The following PCDH9 variants were observed in gnomAD, a reference collection of about 807,000 sequenced individuals.
PCDH9 encodes the protein protocadherin 9.
In PCDH9, 24 loss-of-function variants were observed where a neutral mutation model predicts 70.6. That is an observed-to-expected ratio of 0.34 (90% confidence interval 0.25 to 0.48). PCDH9 has a LOEUF of 0.48. Among genes scored for constraint, PCDH9 ranks in the 20% least tolerant of loss-of-function variants. The pLI, the probability that PCDH9 is intolerant of heterozygous loss-of-function variation, is 0.99. For synonymous variants in PCDH9, 562 were observed against 558.5 expected (o/e 1.01, Z -0.09); for missense variants, 1,281 against 1,503.6 (o/e 0.85, Z 2.45).
chr13:66,616,400 G>GT (rs139846605), intron 4 of PCDH9, among the ~76,000 whole-genome samples: 67 of 145,188 alleles, frequency 4.6e-4, no homozygotes, highest in African/African-American at 9.1e-4. Flanking sequence ...CCTATCAGAA[G>GT]TTTTTTTTTT....
intron 3 of PCDH9, among the ~76,000 whole-genome samples, chr13:66,779,681 C>T (rs941655920): frequency 5.9e-5 from 9 of 151,628 alleles, no homozygotes; most frequent in Non-Finnish European, 1.2e-4. Context: ...ATTAGCTGGG[C>T]GTAGTGGCAT....
intron 3 of PCDH9, among the ~76,000 whole-genome samples, chr13:66,831,720 T>C (rs1291962635): frequency 2.6e-5 from 4 of 152,172 alleles, no homozygotes; most frequent in Non-Finnish European, 5.9e-5. Flanking sequence ...ATTGTTGTCA[T>C]GATGAGTTGC....
At chr13:67,178,040 ATC>A (rs2138471632) in intron 2 of PCDH9, among the ~76,000 whole-genome samples, 1 of 152,190 alleles carries the variant, frequency 6.6e-6, no homozygotes, top group South Asian at 2.1e-4. Flanking sequence ...TGAAACATCC[ATC>A]TCACTGTACA....
At chr13:66,366,638 G>A (rs1471968352) in intron 4 of PCDH9, among the ~76,000 whole-genome samples, 1 of 152,000 alleles carries the variant, frequency 6.6e-6, no homozygotes, top group East Asian at 1.9e-4. Context: ...ATCCCTCTAA[G>A]ATAGAGGGAA....
intron 3 of PCDH9, among the ~76,000 whole-genome samples, chr13:66,725,526 C>G (rs997924020): frequency 6.6e-6 from 1 of 152,120 alleles, no homozygotes; most frequent in African/African-American, 2.4e-5. Context: ...TACCTCCCAG[C>G]GACTATTGTT....
intron 3 of PCDH9, among the ~76,000 whole-genome samples, chr13:66,845,118 G>A (rs2081184692): frequency 6.6e-6 from 1 of 152,128 alleles, no homozygotes; most frequent in African/African-American, 2.4e-5. Flanking sequence ...CCTTCAAGCC[G>A]CCCTGGCTTG....
intron 2 of PCDH9, among the ~76,000 whole-genome samples, chr13:67,066,127 G>A (rs771246565): frequency 2.7e-4 from 41 of 152,090 alleles, no homozygotes; most frequent in Non-Finnish European, 5.3e-4. Context: ...AGAGTTCAGG[G>A]TTGTTTCTCA....
At chr13:66,457,781 C>T (rs1958348865) in intron 4 of PCDH9, among the ~76,000 whole-genome samples, 1 of 152,010 alleles carries the variant, frequency 6.6e-6, no homozygotes, top group Admixed American at 6.6e-5. Context: ...GCTGCAAGCA[C>T]ACTAACTTAA....
intron 2 of PCDH9, chr13:66,990,877 CAG>C (rs1447391854): frequency 6.6e-6 from 1 of 151,804 alleles, no homozygotes; most frequent in East Asian, 1.9e-4. Flanking sequence ...TTGTTTATAA[CAG>C]ATAACTTTTT....
intron 2 of PCDH9, among the ~76,000 whole-genome samples, chr13:67,061,080 G>T (rs1412722933): frequency 6.6e-6 from 1 of 152,008 alleles, no homozygotes; most frequent in Non-Finnish European, 1.5e-5. Flanking sequence ...GAAGTTAGAT[G>T]ATGTCAGATG....
chr13:66,573,426 T>A (rs1185490542), intron 4 of PCDH9, among the ~76,000 whole-genome samples: 1 of 152,148 alleles, frequency 6.6e-6, no homozygotes, highest in Non-Finnish European at 1.5e-5. Flanking sequence ...CGTAAATGTA[T>A]TAACCCCTTC....
intron 3 of PCDH9, among the ~76,000 whole-genome samples, chr13:66,872,575 C>G (rs1257604406): frequency 6.6e-6 from 1 of 151,808 alleles, no homozygotes; most frequent in Non-Finnish European, 1.5e-5. Flanking sequence ...TTAATAAAGG[C>G]TTTTTTTACA....
chr13:67,067,776 C>T (rs951747115), intron 2 of PCDH9, among the ~76,000 whole-genome samples: 1 of 126,686 alleles, frequency 7.9e-6, no homozygotes, highest in African/African-American at 3.1e-5. Context: ...TGGGGAATAG[C>T]GATGGGGGGG....
rs1440156934 is a variant in PCDH9 at position 66,724,092 on chromosome 13, C to G, written c.3139-92681G>C. On this transcript the variant is annotated intron_variant, in intron 3 of 4. Coordinates refer to ENST00000377865, the MANE Select transcript of PCDH9 (RefSeq NM_203487.3). ...AATCAATTATCAAGTTGAGTGCGACCAGGAATTTTTCTTTTTTCTCTTTAG... is the reference window on the plus strand; with the variant it reads ...AATCAATTATCAAGTTGAGTGCGACGAGGAATTTTTCTTTTTTCTCTTTAG... Among the ~76,000 whole-genome samples the G allele has an allele frequency of 2.6e-5, 4 of 152,272 alleles. No homozygotes were observed. The East Asian group carries it at 7.7e-4, about 29-fold the overall frequency.
intron 3 of PCDH9, among the ~76,000 whole-genome samples, chr13:66,701,825 T>C (rs2078651706): frequency 6.6e-6 from 1 of 152,196 alleles, no homozygotes; most frequent in Admixed American, 6.5e-5. Flanking sequence ...TAATGCTGGT[T>C]AACTATGTGC....
rs2077687432 is a variant in PCDH9, at chr13:66,639,977, T to C, written c.3139-8566A>G. On this transcript the variant is annotated intron_variant, in intron 3 of 4. Coordinates refer to ENST00000377865, the MANE Select transcript of PCDH9 (RefSeq NM_203487.3). ...CAGAATTTTGCATCTATTAATGATA[T>C]GTACAGAAATATGGAGGAAAAAACC... Among the ~76,000 whole-genome samples the C allele has an allele frequency of 2.6e-5, 4 of 152,262 alleles. No individual in the cohort carries two copies. In the South Asian group the frequency reaches 6.2e-4, roughly 24 times the overall value.
chr13:66,963,256 T>A (rs2083378021), intron 2 of PCDH9, among the ~76,000 whole-genome samples: 1 of 152,120 alleles, frequency 6.6e-6, no homozygotes, highest in Admixed American at 6.5e-5. Flanking sequence ...CTGGTACCGG[T>A]TCATAGCCTT....
chr13:66,971,002 A>T (rs914280601), intron 2 of PCDH9, among the ~76,000 whole-genome samples: 3 of 151,998 alleles, frequency 2.0e-5, no homozygotes, highest in African/African-American at 4.8e-5. Context: ...CTAGATATTG[A>T]TCAAAGAGGG....
intron 3 of PCDH9, among the ~76,000 whole-genome samples, chr13:66,699,900 CAGTG>C (rs1236482239): frequency 1.3e-5 from 2 of 148,792 alleles, no homozygotes; most frequent in African/African-American, 4.9e-5. Context: ...ATAAGGTTGA[CAGTG>C]AGGGACTGCG....
Sources: gnomAD v4.1 joint callset for allele counts (sites outside exome capture counted in the v4.1 genomes callset) on GRCh38, gnomAD v4.1.1 for gene constraint, MANE v1.5 for transcripts, NCBI Gene and HGNC (gene_info 2026-07-23, HGNC 2026-07-21) for gene names.